The following MEIS2 variants were observed in gnomAD, a reference collection of about 807,000 sequenced individuals.
MEIS2 encodes homeobox protein Meis2.
A neutral mutation model predicts 58.6 loss-of-function variants in MEIS2; 9 were observed. The ratio of observed to expected loss-of-function variants is 0.15; its 90% CI spans 0.09 to 0.27. The LOEUF is 0.27. Among genes scored for constraint, MEIS2 ranks in the 10% least tolerant of loss-of-function variants. The pLI is 1.00. For missense variants in MEIS2, 427 were observed against 635.0 expected, an observed-to-expected ratio of 0.67 and a Z score of 3.52; for synonymous variants, 221 against 228.4, an observed-to-expected ratio of 0.97 and a Z score of 0.29.
intron 11 of MEIS2, among the ~76,000 whole-genome samples, chr15:36,894,109 T>C (rs893356483): frequency 1.3e-5 from 2 of 152,214 alleles, no homozygotes; most frequent in African/African-American, 4.8e-5. Context: ...TCCCTTTAAA[T>C]TTATTGACTG....
intron 8 of MEIS2, among the ~76,000 whole-genome samples, chr15:36,994,092 TG>T (rs1331952766): frequency 6.6e-6 from 1 of 152,038 alleles, no homozygotes; most frequent in East Asian, 1.9e-4. Flanking sequence ...TTTGAGAACT[TG>T]AGGAGAGTGG....
chr15:36,910,695 C>G (rs543627441), intron 9 of MEIS2, among the ~76,000 whole-genome samples: 4 of 152,216 alleles, frequency 2.6e-5, no homozygotes, highest in Non-Finnish European at 4.4e-5. Flanking sequence ...CCATGACTAC[C>G]CCAAATATGA....
At chr15:37,064,261 T>C (rs527584486) in intron 7 of MEIS2, among the ~76,000 whole-genome samples, 30 of 152,122 alleles carry the variant, frequency 2.0e-4, no homozygotes, top group Non-Finnish European at 3.7e-4. Context: ...TATCCACTTA[T>C]TTTCAGGACA....
chr15:37,033,299 G>A (rs1312985455), intron 8 of MEIS2, among the ~76,000 whole-genome samples: 1 of 152,130 alleles, frequency 6.6e-6, no homozygotes, highest in East Asian at 1.9e-4. Flanking sequence ...TTTATGTTCT[G>A]CTAGTTAATG....
At chr15:36,967,370 T>C (rs912253933) in intron 8 of MEIS2, among the ~76,000 whole-genome samples, 3 of 152,180 alleles carry the variant, frequency 2.0e-5, no homozygotes, top group African/African-American at 4.8e-5. Flanking sequence ...GGGACACACA[T>C]AGAGGGAAGA....
chr15:37,066,163 AT>A (rs1326706500), intron 7 of MEIS2: 1 of 152,200 alleles, frequency 6.6e-6, no homozygotes, highest in Non-Finnish European at 1.5e-5. Context: ...AATAAAAAAA[AT>A]TGGTTTTTCA....
At chr15:36,917,121 G>C (rs1275307247) in intron 9 of MEIS2, among the ~76,000 whole-genome samples, 3 of 152,022 alleles carry the variant, frequency 2.0e-5, no homozygotes, top group African/African-American at 4.8e-5. Flanking sequence ...AGACCTTCTG[G>C]GAACCAACAG....
At chr15:36,928,945 G>T (rs1467798430) in intron 9 of MEIS2, among the ~76,000 whole-genome samples, 2 of 152,032 alleles carry the variant, frequency 1.3e-5, no homozygotes, top group Non-Finnish European at 2.9e-5. Context: ...AGAAGGGAAA[G>T]AAAGAAAAGC....
chr15:36,951,465 A>C (rs1595792922), intron 8 of MEIS2, among the ~76,000 whole-genome samples: 1 of 152,204 alleles, frequency 6.6e-6, no homozygotes. Flanking sequence ...TATTCCATTC[A>C]GAATATTCTA....
intron 9 of MEIS2, among the ~76,000 whole-genome samples, chr15:36,930,263 C>T (rs2057923319): frequency 6.9e-6 from 1 of 145,082 alleles, no homozygotes; most frequent in South Asian, 2.2e-4. Flanking sequence ...GAGAATAAAC[C>T]ACAGAGATAT....
intron 8 of MEIS2, among the ~76,000 whole-genome samples, chr15:37,022,477 G>T (rs1436746976): frequency 6.6e-6 from 1 of 152,118 alleles, no homozygotes; most frequent in Non-Finnish European, 1.5e-5. Flanking sequence ...TTGAAATCCT[G>T]AACTCAAGAG....
chr15:37,030,073 T>C (rs1049267003), intron 8 of MEIS2, among the ~76,000 whole-genome samples: 3 of 152,152 alleles, frequency 2.0e-5, no homozygotes, highest in African/African-American at 7.2e-5. Flanking sequence ...TTTCACACTC[T>C]AAGGAAGATA....
intron 8 of MEIS2, among the ~76,000 whole-genome samples, chr15:36,958,843 C>A (rs989319749): frequency 6.6e-6 from 1 of 152,176 alleles, no homozygotes; most frequent in Non-Finnish European, 1.5e-5. Flanking sequence ...ATTTAACAAT[C>A]ATTTCACATT....
chr15:36,920,118 T>TTTCATTTATTTA lies in MEIS2; in HGVS notation c.978-23433_978-23432insTAAATAAATGAA, dbSNP rs1319931960. Among the ~76,000 whole-genome samples the TTTCATTTATTTA allele has an allele frequency of 1.0e-4, 14 of 134,730 alleles. No homozygotes were observed. In the East Asian group the frequency reaches 1.1e-3, roughly 11 times the overall value. The allele number at this position is 134,730 out of a possible 152,430, so 88.4% of individuals were successfully genotyped here. ...AGCAACACTTAGCAACCTATACTGC[T>TTTCATTTATTTA]TTTATTTATTTATTTATTTATTTAT... On this transcript the variant is annotated intron_variant, in intron 9 of 11. Coordinates refer to ENST00000561208, the MANE Select transcript of MEIS2 (RefSeq NM_170675.5).
intron 9 of MEIS2, among the ~76,000 whole-genome samples, chr15:36,923,080 CAAT>C (rs1240906228): frequency 1.3e-5 from 2 of 152,126 alleles, no homozygotes; most frequent in Non-Finnish European, 2.9e-5. Flanking sequence ...ATCTCCTTAG[CAAT>C]AATATGTCAC....
Position 37,097,948 on chromosome 15 carries a change from G to T in MEIS2, c.245+19C>A. 6.4e-7 allele frequency: 1 copy of T among 1,571,638 alleles called. No homozygotes were observed. The highest frequency in any genetic ancestry group is 8.7e-7 in the Non-Finnish European group (1 of 1,154,522). On this transcript the variant is annotated intron_variant, in intron 2 of 11. Transcript: ENST00000561208. ...CTCACACTCACACACAGTAAGCTGGGTCCGGGGGGTCAGTTTACCCATAGA... is the reference window on the plus strand; with the variant it reads ...CTCACACTCACACACAGTAAGCTGGTTCCGGGGGGTCAGTTTACCCATAGA...
chr15:37,057,713 T>C (rs1034060438), intron 7 of MEIS2, among the ~76,000 whole-genome samples: 1 of 152,056 alleles, frequency 6.6e-6, no homozygotes, highest in Non-Finnish European at 1.5e-5. Context: ...CTTTTTTGTC[T>C]TTTTTCCCCC....
chr15:37,093,041 A>G (rs538406690), intron 6 of MEIS2, among the ~76,000 whole-genome samples: 4 of 152,278 alleles, frequency 2.6e-5, no homozygotes, highest in Admixed American at 1.3e-4. Context: ...AAGTTTCTAT[A>G]GCAAAAGCCC....
chr15:36,905,601 T>C (rs1396388180), intron 9 of MEIS2, among the ~76,000 whole-genome samples: 1 of 152,146 alleles, frequency 6.6e-6, no homozygotes, highest in Non-Finnish European at 1.5e-5. Context: ...GCAGATATAA[T>C]GTAAGGCTTA....
Sources: allele counts gnomAD v4.1 joint callset (sites outside exome capture counted in the v4.1 genomes callset), GRCh38; gene constraint gnomAD v4.1.1; transcripts MANE v1.5; gene names NCBI Gene and HGNC (gene_info 2026-07-23, HGNC 2026-07-21).